The following LRMDA variants were observed in gnomAD, a reference collection of about 807,000 sequenced individuals.
LRMDA encodes leucine-rich melanocyte differentiation-associated protein.
LRMDA carries 18 observed loss-of-function variants against 29.8 expected under a neutral mutation model. The observed-to-expected ratio is 0.60, with a 90% CI of 0.42 to 0.90. The LOEUF (loss-of-function observed/expected upper bound fraction) is 0.90, where lower values mean the gene tolerates loss of function less well. Ranked by LOEUF, LRMDA falls within the 40% of genes least tolerant of loss-of-function variation. The pLI is 0.00. For missense variants in LRMDA, 273 were observed against 273.9 expected (o/e 1.00, Z 0.02); for synonymous variants, 125 against 109.4 (o/e 1.14, Z -0.89).
intron 2 of LRMDA, among the ~76,000 whole-genome samples, chr10:75,989,882 A>T (rs952962902): frequency 3.3e-5 from 5 of 152,110 alleles, no homozygotes; most frequent in African/African-American, 1.2e-4. Flanking sequence ...GCTGCAGGTG[A>T]CCCCAGTAGG....
intron 6 of LRMDA, among the ~76,000 whole-genome samples, chr10:76,477,860 TG>T (rs1296273011): frequency 6.6e-6 from 1 of 152,174 alleles, no homozygotes; most frequent in Non-Finnish European, 1.5e-5. Context: ...TGTAGAAAGC[TG>T]AAACTGGATC....
chr10:76,146,621 G>A (rs897638005), intron 5 of LRMDA, among the ~76,000 whole-genome samples: 4 of 152,262 alleles, frequency 2.6e-5, no homozygotes, highest in South Asian at 2.1e-4. Flanking sequence ...GCAGCACACC[G>A]ATGGGTCTTG....
intron 2 of LRMDA, chr10:75,552,433 CT>C (rs754722359): frequency 6.9e-5 from 20 of 289,910 alleles, no homozygotes; most frequent in Middle Eastern, 4.2e-4. Flanking sequence ...TTTCCCCCCC[CT>C]CTGGCTGCTT....
chr10:75,712,589 AG>A (rs1343997692), intron 2 of LRMDA, among the ~76,000 whole-genome samples: 1 of 152,192 alleles, frequency 6.6e-6, no homozygotes, highest in Non-Finnish European at 1.5e-5. Context: ...ATGAGGGCAG[AG>A]GGGGAATTTA....
intron 2 of LRMDA, among the ~76,000 whole-genome samples, chr10:75,789,270 G>A (rs1029008404): frequency 2.6e-5 from 4 of 152,236 alleles, no homozygotes; most frequent in Admixed American, 1.3e-4. Context: ...TGACTACATA[G>A]CACTTACAGC....
chr10:76,036,846 C>T (rs1229644088), intron 3 of LRMDA, among the ~76,000 whole-genome samples: 1 of 152,160 alleles, frequency 6.6e-6, no homozygotes, highest in African/African-American at 2.4e-5. Flanking sequence ...CCCGTAGCTC[C>T]TGCATTGTTA....
At chr10:75,640,787 A>T (rs1478382875) in intron 2 of LRMDA, among the ~76,000 whole-genome samples, 1 of 152,156 alleles carries the variant, frequency 6.6e-6, no homozygotes, top group East Asian at 1.9e-4. Context: ...TTTTAAACAA[A>T]ACAAAACAAA....
intron 2 of LRMDA, among the ~76,000 whole-genome samples, chr10:75,874,564 G>A (rs79999869): frequency 0.027 from 4,113 of 152,262 alleles, 73 homozygotes; most frequent in South Asian, 0.057. Flanking sequence ...CGTGAATGAG[G>A]AAACTGAGGC....
chr10:76,043,590 A>C (rs1848377020), intron 3 of LRMDA, among the ~76,000 whole-genome samples: 1 of 150,728 alleles, frequency 6.6e-6, no homozygotes, highest in African/African-American at 2.4e-5. Flanking sequence ...TGACTCTATT[A>C]CCAGGGTCTT....
intron 2 of LRMDA, among the ~76,000 whole-genome samples, chr10:76,009,539 G>A (rs1171755651): frequency 6.6e-6 from 1 of 152,132 alleles, no homozygotes; most frequent in Non-Finnish European, 1.5e-5. Context: ...TGCGGGCCAG[G>A]AGCTCGCAAC....
At chr10:76,382,052 C>A (rs1294861799) in intron 6 of LRMDA, among the ~76,000 whole-genome samples, 1 of 152,254 alleles carries the variant, frequency 6.6e-6, no homozygotes, top group East Asian at 1.9e-4. Flanking sequence ...CACATTGTTG[C>A]AATGGAAAAA....
intron 5 of LRMDA, among the ~76,000 whole-genome samples, chr10:76,082,275 A>G (rs1163473709): frequency 6.6e-6 from 1 of 152,160 alleles, no homozygotes; most frequent in Non-Finnish European, 1.5e-5. Context: ...AAGTTGACCT[A>G]GAAAGTGTGA....
chr10:75,433,811 C>T (rs564956726), intron 1 of LRMDA, among the ~76,000 whole-genome samples: 121 of 152,022 alleles, frequency 8.0e-4, no homozygotes, highest in Non-Finnish European at 1.5e-3. Flanking sequence ...CCTATAAATC[C>T]CAAATAAAGG....
At chr10:75,794,773 TA>T (rs1843624122) in intron 2 of LRMDA, among the ~76,000 whole-genome samples, 1 of 152,232 alleles carries the variant, frequency 6.6e-6, no homozygotes, top group Non-Finnish European at 1.5e-5. Context: ...TTTGACCATT[TA>T]AAAAATTGAT....
chr10:75,980,988 A>T (rs1847159931), intron 2 of LRMDA, among the ~76,000 whole-genome samples: 1 of 152,222 alleles, frequency 6.6e-6, no homozygotes, highest in Non-Finnish European at 1.5e-5. Flanking sequence ...CTTCATCTAA[A>T]GTTGGCAGCT....
At chr10:76,530,391 A>G (rs1843221648) in intron 6 of LRMDA, among the ~76,000 whole-genome samples, 1 of 152,174 alleles carries the variant, frequency 6.6e-6, no homozygotes, top group Non-Finnish European at 1.5e-5. Flanking sequence ...CATAAACACT[A>G]TGCCCAAGGA....
chr10:76,243,493 G>A (rs76088979), intron 5 of LRMDA, among the ~76,000 whole-genome samples: 9,359 of 152,234 alleles, frequency 0.061, 401 homozygotes, highest in African/African-American at 0.12. Context: ...CTATACAAAG[G>A]AGTCAATCAT....
chr10:76,056,681 C>T (rs1848620004), intron 4 of LRMDA, among the ~76,000 whole-genome samples: 1 of 152,228 alleles, frequency 6.6e-6, no homozygotes, highest in Non-Finnish European at 1.5e-5. Context: ...CTGGGCTTGG[C>T]CGCCACTTTG....
chr10:75,874,024 C>G (rs903607598), intron 2 of LRMDA, among the ~76,000 whole-genome samples: 3 of 152,098 alleles, frequency 2.0e-5, no homozygotes, highest in African/African-American at 7.2e-5. Flanking sequence ...AGGCCCACAC[C>G]TGTCCTTACC....
Sources: allele counts gnomAD v4.1 joint callset (sites outside exome capture counted in the v4.1 genomes callset), GRCh38; gene constraint gnomAD v4.1.1; transcripts MANE v1.5; gene names NCBI Gene and HGNC (gene_info 2026-07-23, HGNC 2026-07-21).